CEP78: variants seen among roughly 807,000 people sequenced by gnomAD.
CEP78 encodes the protein centrosomal protein of 78 kDa.
Under a neutral mutation model 81.2 loss-of-function variants are expected in CEP78, and 76 were observed. That is an observed-to-expected ratio of 0.94 (90% confidence interval 0.78 to 1.13). The LOEUF is 1.13. Ranked by LOEUF, CEP78 falls within the 50% of genes most tolerant of loss-of-function variation. The probability of loss-of-function intolerance (pLI) is 0.00; values close to 1 mark genes in which losing one functional copy is unlikely to be tolerated. For missense variants in CEP78, 918 were observed against 846.8 expected (o/e 1.08, Z -1.04); for synonymous variants, 293 against 301.4 (o/e 0.97, Z 0.29).
rs1431857509 is a variant in CEP78, at chr9:78,277,798, T to TA, written c.*6953dup. The TA allele has an allele frequency of 6.6e-6, 1 of 152,136 alleles. No homozygotes were observed. Among genetic ancestry groups the TA allele is most frequent in the East Asian group, 1.9e-4 (1 of 5,198 alleles). 9.4% of individuals were successfully genotyped at this position (152,136 alleles called of 1,614,324 possible). ...CTGTGTGAAGTGTTTTTTGAGATAA[T>TA]AAAAAACTAGAAACAGCATAAATGT... On this transcript the variant is annotated 3_prime_UTR_variant, in exon 17 of 17. Coordinates refer to ENST00000643273, the MANE Select transcript of CEP78 (RefSeq NM_001330691.3).
intron 12 of CEP78, 49 bp downstream of exon 12, chr9:78,263,033 GTTTAAC>G (rs773385498): frequency 2.8e-5 from 35 of 1,233,522 alleles, no homozygotes; most frequent in Non-Finnish European, 3.4e-5. Flanking sequence ...TTTGGTTTTG[GTTTAAC>G]TTTAAGTCAT....
At chr9:78,245,711 A>G (rs1826446363) in intron 5 of CEP78, among the ~76,000 whole-genome samples, 2 of 152,156 alleles carry the variant, frequency 1.3e-5, no homozygotes, top group African/African-American at 4.8e-5. Context: ...ACTAGTATTC[A>G]TGAGCATTTG....
chr9:78,244,406 G>T (rs1826385257), intron 5 of CEP78, among the ~76,000 whole-genome samples: 1 of 152,048 alleles, frequency 6.6e-6, no homozygotes, highest in South Asian at 2.1e-4. Flanking sequence ...GGGATTCCAG[G>T]CATGAGCCAC....
At chr9:78,243,657 A>T (rs374919690) in intron 5 of CEP78, 21 bp downstream of exon 5, 2 of 1,604,082 alleles carry the variant, frequency 1.2e-6, no homozygotes, top group African/African-American at 2.7e-5. Context: ...TGAACTTGTA[A>T]GGTGGAAAAT....
chr9:78,240,928 A>T (rs1461657079), intron 3 of CEP78, among the ~76,000 whole-genome samples: 1 of 151,902 alleles, frequency 6.6e-6, no homozygotes, highest in Non-Finnish European at 1.5e-5. Flanking sequence ...ACACCACTGC[A>T]CTCTAGCCTG....
rs758454863 is a variant in CEP78 at position 78,240,306 on chromosome 9, G to T, written c.441G>T (p.Ser147=). ...LTILAKGLNK[S]ASLVHLSLAN... The stretch of plus-strand genomic sequence containing the variant: ...CCTCATTAAAGGGATTGAATAAATC[G>T]GCTTCTTTGGTGCACCTGTCTCTTG... Residue 147 remains serine, a synonymous_variant, in exon 3 of 17, where the codon TCG becomes TCT. Transcript: ENST00000643273. 2 of 1,600,508 alleles carry T rather than the reference G, an allele frequency of 1.2e-6. No individual in the cohort carries two copies. Among genetic ancestry groups the T allele is most frequent in the Admixed American group, 3.4e-5 (2 of 57,972 alleles).
At position 78,265,530 on chromosome 9, in the gene CEP78, T is replaced by C. The variant is rs1337562771; in HGVS notation, c.1784T>C (p.Met595Thr). Residue 595 changes from methionine to threonine, a missense_variant, in exon 14 of 17, where the codon ATG becomes ACG. By Grantham distance (81) the Met-to-Thr change is moderately conservative. Coordinates refer to ENST00000643273, the MANE Select transcript of CEP78 (RefSeq NM_001330691.3). ...CCGAAGCAGAATGCCCTAGGGCAAATGCAAAATATCCAGGTAAATGAATAG... is the reference window on the plus strand; with the variant it reads ...CCGAAGCAGAATGCCCTAGGGCAAACGCAAAATATCCAGGTAAATGAATAG... ...PEPKQNALGQ[M>T]QNIQVSICMQ... 6.4e-7 allele frequency: 1 copy of C among 1,567,964 alleles called. No homozygotes were observed. Among genetic ancestry groups the C allele is most frequent in the East Asian group, 2.3e-5 (1 of 42,582 alleles).
chr9:78,266,649 G>T lies in CEP78; in HGVS notation c.2053G>T (p.Glu685Ter), dbSNP rs750332210. Reference protein sequence around the residue: ...ATSGTGSQRKEEELSRNSRSS... With the variant: ...ATSGTGSQRK ...TTCTGGAACTGGAAGTCAAAGAAAA[G>T]AAGAGGAGTTGTCCAGAAATAGCAG... Residue 685 changes from glutamate (E) to a stop codon, truncating the protein, a stop_gained, in exon 16 of 17, where the codon GAA (glutamate) becomes TAA (stop). Transcript: ENST00000643273. LOFTEE classifies it high-confidence loss of function. 6.2e-7 allele frequency: 1 copy of T among 1,612,300 alleles called. No individual in the cohort carries two copies.
intron 2 of CEP78, 31 bp from the exon 3 acceptor site, chr9:78,240,261 T>C: frequency 1.2e-6 from 2 of 1,610,176 alleles, no homozygotes; most frequent in Non-Finnish European, 1.7e-6. Context: ...AAAACCTCAA[T>C]AACATTTTTA....
At chr9:78,244,196 A>G (rs905169644) in intron 5 of CEP78, among the ~76,000 whole-genome samples, 2 of 145,914 alleles carry the variant, frequency 1.4e-5, no homozygotes, top group South Asian at 4.3e-4. Flanking sequence ...CTGGAGTGCA[A>G]TGGTGTAATC....
intron 11 of CEP78, among the ~76,000 whole-genome samples, chr9:78,262,356 T>A (rs944922022): frequency 6.6e-6 from 1 of 152,112 alleles, no homozygotes; most frequent in African/African-American, 2.4e-5. Flanking sequence ...TACTAAAGAT[T>A]ACTCCAGAAA....
At position 78,236,147 on chromosome 9, in the gene CEP78, G is replaced by A. The variant is rs1178806262; in HGVS notation, c.-204G>A. 5.4e-6 allele frequency: 3 copies of A among 557,830 alleles called. No homozygotes were observed. In the South Asian group the frequency reaches 6.5e-5, roughly 12 times the overall value. 34.6% of individuals were successfully genotyped at this position (557,830 alleles called of 1,614,324 possible). A position where few individuals can be genotyped will look rare whatever the true frequency, so the allele number is the denominator to read the frequency against. On this transcript the variant is annotated 5_prime_UTR_variant, in exon 1 of 17. Coordinates refer to ENST00000643273, the MANE Select transcript of CEP78 (RefSeq NM_001330691.3). ...CTTGGGCCGCAGGGCGGGAGGCAGC[G>A]CGGGAGTGGGGCGTTGAGGGGCCGG... is the stretch of plus-strand genomic sequence containing the variant.
At chr9:78,247,558 G>A (rs1826552374) in intron 6 of CEP78, among the ~76,000 whole-genome samples, 2 of 152,160 alleles carry the variant, frequency 1.3e-5, no homozygotes, top group African/African-American at 4.8e-5. Flanking sequence ...TGAAGGTCAC[G>A]GTAAGGACTT....
intron 11 of CEP78, among the ~76,000 whole-genome samples, chr9:78,259,657 T>A (rs529955811): frequency 3.9e-5 from 6 of 152,326 alleles, no homozygotes; most frequent in African/African-American, 1.4e-4. Context: ...TATATGTGTG[T>A]TAATTTACTC....
intron 16 of CEP78, 116 bp downstream of exon 16, chr9:78,266,819 T>G (rs957101060): frequency 1.3e-6 from 2 of 1,486,752 alleles, no homozygotes; most frequent in African/African-American, 1.4e-5. Context: ...GTTCTTTGGT[T>G]AATGAACCAA....
At position 78,277,184 on chromosome 9, in the gene CEP78, A is replaced by G; in HGVS notation, c.*6333A>G. 1 of 152,208 alleles carries G rather than the reference A, an allele frequency of 6.6e-6. No individual in the cohort carries two copies. The highest frequency in any genetic ancestry group is 1.9e-4 in the East Asian group (1 of 5,202). 9.4% of individuals were successfully genotyped at this position (152,208 alleles called of 1,614,324 possible). ...AAATCAAGATGAATTAAACATGGAA[A>G]TTAAAAATAACTAGAAGAAAATACT... is the stretch of plus-strand genomic sequence containing the variant. On this transcript the variant is annotated 3_prime_UTR_variant, in exon 17 of 17. Coordinates refer to ENST00000643273, the MANE Select transcript of CEP78 (RefSeq NM_001330691.3).
intron 6 of CEP78, among the ~76,000 whole-genome samples, chr9:78,247,345 T>G (rs1211801527): frequency 6.6e-6 from 1 of 152,060 alleles, no homozygotes; most frequent in African/African-American, 2.4e-5. Context: ...GAGACCTGAT[T>G]AGGAGGGGAA....
At position 78,273,705 on chromosome 9, in the gene CEP78, C is replaced by G. The variant is rs1827745726; in HGVS notation, c.*2854C>G. 1 of 152,290 alleles carries G rather than the reference C, an allele frequency of 6.6e-6. No homozygotes were observed. The allele number at this position is 152,290 out of a possible 1,614,324, so 9.4% of individuals were successfully genotyped here. A position where few individuals can be genotyped will look rare whatever the true frequency, so the allele number is the denominator to read the frequency against. ...GAGTTTGCAGTGAGCTGAGATGGCACCGCTGCACTCCAGCCTGGGCCATAG... is the reference window on the plus strand; with the variant it reads ...GAGTTTGCAGTGAGCTGAGATGGCAGCGCTGCACTCCAGCCTGGGCCATAG... On this transcript the variant is annotated 3_prime_UTR_variant, in exon 17 of 17. Transcript: ENST00000643273.
At chr9:78,260,665 C>T (rs1469851087) in intron 11 of CEP78, among the ~76,000 whole-genome samples, 1 of 149,800 alleles carries the variant, frequency 6.7e-6, no homozygotes, top group Non-Finnish European at 1.5e-5. Context: ...CGAGATCAGG[C>T]CACTGTACTC....
Sources: allele counts gnomAD v4.1 joint callset (sites outside exome capture counted in the v4.1 genomes callset), GRCh38; gene constraint gnomAD v4.1.1; transcripts MANE v1.5; gene names NCBI Gene and HGNC (gene_info 2026-07-23, HGNC 2026-07-21).